The following SOX10 variants were observed in gnomAD, a reference collection of about 807,000 sequenced individuals.
SOX10 encodes the protein transcription factor SOX-10.
SOX10 carries 3 observed loss-of-function variants against 35.0 expected under a neutral mutation model. That is an observed-to-expected ratio of 0.09 (90% CI 0.04 to 0.22). The LOEUF is 0.22. SOX10 is among the 10% of genes least tolerant of loss of function. The pLI is 1.00. For missense variants in SOX10, 436 were observed against 655.1 expected (o/e 0.67, Z 3.65); for synonymous variants, 285 against 291.0 (o/e 0.98, Z 0.21).
Position 37,974,587 on chromosome 22 carries a change from AGGTGATCCACCTGCCTCG to A in SOX10, c.698-407_698-390del, listed in dbSNP as rs1569168128. On this transcript the variant is annotated intron_variant, in intron 3 of 3. Coordinates refer to ENST00000396884, the MANE Select transcript of SOX10 (RefSeq NM_006941.4). This position sits in a 1 kb window ranked among gnomAD's most constrained non-coding sequence, Gnocchi z 5.4. Reference sequence around the variant, plus strand: ...AGGGTTGTCTTGAACTCCTGACCTCAGGTGATCCACCTGCCTCGGCCTCCCAAAGTGCTGGGATTACCA... The same window carrying A: ...AGGGTTGTCTTGAACTCCTGACCTCAGCCTCCCAAAGTGCTGGGATTACCA... Among the ~76,000 whole-genome samples, 7 of 152,136 alleles carry A rather than the reference AGGTGATCCACCTGCCTCG, an allele frequency of 4.6e-5. No homozygotes were observed.
rs748666965 is a variant in SOX10, at chr22:37,973,655, T to G, written c.1241A>C (p.His414Pro). Residue 414 changes from histidine to proline, a missense_variant, in exon 4 of 4, where the codon CAC becomes CCC. Physicochemically the swap from His to Pro is moderately conservative, Grantham distance 77. Transcript: ENST00000396884. Reference protein sequence around the residue: ...DHQPSGPYYGHSGQASGLYSA... With the variant: ...DHQPSGPYYGPSGQASGLYSA... ...GTAGAGGCCAGAGGCCTGGCCCGAG[T>G]GGCCATAATAGGGTCCTGAGGGCTG... 1.3e-4 allele frequency: 204 copies of G among 1,613,426 alleles called. No homozygotes were observed. The highest frequency in any genetic ancestry group is 1.6e-4 in the Non-Finnish European group (186 of 1,179,864).
Position 37,977,913 on chromosome 22 carries a change from T to C in SOX10, c.651A>G (p.Pro217=). ...YKSAHLDHRH[P]GEGSPMSDGN... Reference sequence around the variant, plus strand: ...CATCTGACATGGGGGAGCCCTCTCCTGGGTGCCGGTGGTCCAAGTGGGCGC... The same window carrying C: ...CATCTGACATGGGGGAGCCCTCTCCCGGGTGCCGGTGGTCCAAGTGGGCGC... Residue 217 remains proline (P), a synonymous_variant, in exon 3 of 4, where the codon CCA becomes CCG. Coordinates refer to ENST00000396884, the MANE Select transcript of SOX10 (RefSeq NM_006941.4). 6.2e-7 allele frequency: 1 copy of C among 1,613,024 alleles called. No individual in the cohort carries two copies. The highest frequency in any genetic ancestry group is 1.1e-5 in the South Asian group (1 of 91,056).
intron 2 of SOX10, among the ~76,000 whole-genome samples, chr22:37,979,069 G>C (rs527264408): frequency 2.6e-5 from 4 of 151,786 alleles, no homozygotes; most frequent in African/African-American, 9.7e-5. Context: ...GAGCCATTGT[G>C]CCCAGCCCAA....
rs1932171960 is a variant in SOX10 at position 37,974,670 on chromosome 22, G to A, written c.698-472C>T. On this transcript the variant is annotated intron_variant, in intron 3 of 3. Coordinates refer to ENST00000396884, the MANE Select transcript of SOX10 (RefSeq NM_006941.4). The surrounding 1 kb of genome is among the most constrained non-coding windows in gnomAD (Gnocchi z 5.4). ...GCCCCACAGCATTTGTTTAAATACT[G>A]GTGTCTTAGATTGATCTCTAGTTGT... Among the ~76,000 whole-genome samples, 4 of 152,196 alleles carry A rather than the reference G, an allele frequency of 2.6e-5. No individual in the cohort carries two copies. In the South Asian group the frequency reaches 8.3e-4, roughly 32 times the overall value.
In SOX10 at chr22:37,983,354, C is replaced by T; in HGVS notation, c.428+3G>A. ...CGAGCCCGGGGGGCGGTCGGGTGCT[C>T]ACCTCCAGAGCTTGCCCAGCGTCTT... On this transcript the variant is annotated splice_donor_region_variant and intron_variant, in intron 2 of 3. Transcript: ENST00000396884. This position sits in a 1 kb window ranked among gnomAD's most constrained non-coding sequence, Gnocchi z 9.5. The T allele has an allele frequency of 6.2e-7, 1 of 1,606,414 alleles. No individual in the cohort carries two copies. The highest frequency in any genetic ancestry group is 8.5e-7 in the Non-Finnish European group (1 of 1,177,734).
chr22:37,976,661 C>A (rs1448079284), intron 3 of SOX10, among the ~76,000 whole-genome samples: 2 of 152,174 alleles, frequency 1.3e-5, no homozygotes, highest in African/African-American at 4.8e-5. Context: ...TGTTTCTCAT[C>A]AGTAAAATGA....
chr22:37,982,252 C>T lies in SOX10; in HGVS notation c.428+1105G>A, dbSNP rs5995528. 9.6e-3 allele frequency among the ~76,000 whole-genome samples: 1,457 copies of T among 152,268 alleles called. 32 individuals are homozygous for T. The highest frequency in any genetic ancestry group is 0.033 in the African/African-American group (1,365 of 41,530). On this transcript the variant is annotated intron_variant, in intron 2 of 3. Coordinates refer to ENST00000396884, the MANE Select transcript of SOX10 (RefSeq NM_006941.4). ...GTCCTGGGTTCTGGCCCTGGCTCTGCTACCAACTTCTATGTGACCTTTGTG... is the reference window on the plus strand; with the variant it reads ...GTCCTGGGTTCTGGCCCTGGCTCTGTTACCAACTTCTATGTGACCTTTGTG...
rs111866801 is a variant in SOX10 at position 37,974,836 on chromosome 22, C to T, written c.698-638G>A. Among the ~76,000 whole-genome samples the T allele has an allele frequency of 6.6e-3, 1,011 of 152,314 alleles. 12 individuals carry two copies. The highest frequency in any genetic ancestry group is 0.023 in the African/African-American group (952 of 41,562). On this transcript the variant is annotated intron_variant, in intron 3 of 3. Coordinates refer to ENST00000396884, the MANE Select transcript of SOX10 (RefSeq NM_006941.4). This position sits in a 1 kb window ranked among gnomAD's most constrained non-coding sequence, Gnocchi z 5.4. ...GGCCCAGCCTTTGCGCTCTGCCAGC[C>T]CCGCTTCCACACCCATGCCTACTGT...
Position 37,973,460 on chromosome 22 carries a change from G to A in SOX10, c.*35C>T, listed in dbSNP as rs1932119565. The A allele has an allele frequency of 7.3e-7, 1 of 1,378,448 alleles. No homozygotes were observed. Among genetic ancestry groups the A allele is most frequent in the South Asian group, 1.3e-5 (1 of 77,044 alleles). 85.4% of individuals were successfully genotyped at this position (1,378,448 alleles called of 1,614,324 possible). On this transcript the variant is annotated 3_prime_UTR_variant, in exon 4 of 4. Coordinates refer to ENST00000396884, the MANE Select transcript of SOX10 (RefSeq NM_006941.4). ...AACAGGGCACACAGGCTGGGGGCAG[G>A]GGCTGGGCGGGGGGTGGTGGCGACA... is the stretch of plus-strand genomic sequence containing the variant.
rs974595747 is a variant in SOX10, at chr22:37,980,575, C to G, written c.429-2440G>C. 6.6e-6 allele frequency among the ~76,000 whole-genome samples: 1 copy of G among 152,170 alleles called. No homozygotes were observed. The highest frequency in any genetic ancestry group is 6.5e-5 in the Admixed American group (1 of 15,272). ...GCCGGACAGCTGATTCCACCTCCAC[C>G]CCAACCCCAAGCCCAGCCTGCCCAC... On this transcript the variant is annotated intron_variant, in intron 2 of 3. Coordinates refer to ENST00000396884, the MANE Select transcript of SOX10 (RefSeq NM_006941.4). The surrounding 1 kb of genome is among the most constrained non-coding windows in gnomAD (Gnocchi z 4.1).
rs1932147623 is a variant in SOX10 at position 37,974,082 on chromosome 22, C to T, written c.814G>A (p.Asp272Asn). The T allele has an allele frequency of 1.9e-6, 3 of 1,613,902 alleles. No homozygotes were observed. Among genetic ancestry groups the T allele is most frequent in the Non-Finnish European group, 2.5e-6 (3 of 1,180,016 alleles). The change falls in exon 4 of 4, where the codon GAC becomes AAC. Residue 272 changes from aspartate to asparagine, a missense_variant. Asp to Asn is a conservative substitution (Grantham distance 23). Coordinates refer to ENST00000396884, the MANE Select transcript of SOX10 (RefSeq NM_006941.4). The surrounding 1 kb of genome is among the most constrained non-coding windows in gnomAD (Gnocchi z 5.4). ...SMGEGGKPHIDFGNVDIGEIS... is the reference protein window; with the variant it reads ...SMGEGGKPHINFGNVDIGEIS... ...TCACCAATGTCCACGTTGCCGAAGT[C>T]GATGTGAGGCTTCCCGCCCTCCCCC... is the stretch of plus-strand genomic sequence containing the variant.
At position 37,983,578 on chromosome 22, in the gene SOX10, G is replaced by A. The variant is rs199963686; in HGVS notation, c.207C>T (p.Pro69=). The A allele has an allele frequency of 1.6e-5, 25 of 1,610,212 alleles. No homozygotes were observed. The East Asian group carries it at 4.9e-4, about 32-fold the overall frequency. The change falls in exon 2 of 4, where the codon CCC becomes CCT. Residue 69 remains proline (P), a synonymous_variant. Coordinates refer to ENST00000396884, the MANE Select transcript of SOX10 (RefSeq NM_006941.4). This position sits in a 1 kb window ranked among gnomAD's most constrained non-coding sequence, Gnocchi z 9.5. ...QDGEADDDKF[P]VCIREAVSQV... Reference sequence around the variant, plus strand: ...GGCTGACGGCCTCGCGGATGCACACGGGGAACTTGTCATCGTCCGCCTCGC... The same window carrying A: ...GGCTGACGGCCTCGCGGATGCACACAGGGAACTTGTCATCGTCCGCCTCGC...
rs774476807 is a variant in SOX10 at position 37,974,215 on chromosome 22, CA to C, written c.698-18del. On this transcript the variant is annotated intron_variant, in intron 3 of 3. Transcript: ENST00000396884. The surrounding 1 kb of genome is among the most constrained non-coding windows in gnomAD (Gnocchi z 5.4). ...GGCTCTGGCCTGGGTAGAAGGGAGA[CA>C]GAGAGAGAGAGCGCAAGGGGGAAGC... 1 of 1,582,542 alleles carries C rather than the reference CA, an allele frequency of 6.3e-7. No individual in the cohort carries two copies. Among genetic ancestry groups the C allele is most frequent in the South Asian group, 1.1e-5 (1 of 89,888 alleles).
chr22:37,975,818 A>G (rs886970237), intron 3 of SOX10, among the ~76,000 whole-genome samples: 1 of 152,128 alleles, frequency 6.6e-6, no homozygotes, highest in African/African-American at 2.4e-5. Context: ...TTCCTTGACA[A>G]GAGTCTGGTG....
In SOX10 at chr22:37,972,368, T is replaced by C. The variant is rs968330387; in HGVS notation, c.*1127A>G. On this transcript the variant is annotated 3_prime_UTR_variant, in exon 4 of 4. Transcript: ENST00000396884. ...TGCTTAATGCAGAGTTAATAGGGGC[T>C]AGAGTGGCTAGGAGAGGGGACTACT... 7.4e-5 allele frequency: 40 copies of C among 544,090 alleles called. No homozygotes were observed. The highest frequency in any genetic ancestry group is 1.1e-4 in the Non-Finnish European group (35 of 304,956). 33.7% of individuals were successfully genotyped at this position (544,090 alleles called of 1,614,324 possible).
Position 37,983,475 on chromosome 22 carries a change from C to T in SOX10, c.310G>A (p.Val104Ile), listed in dbSNP as rs752595410. 3 of 1,612,152 alleles carry T rather than the reference C, an allele frequency of 1.9e-6. No individual in the cohort carries two copies. Among genetic ancestry groups the T allele is most frequent in the Admixed American group, 1.7e-5 (1 of 59,868 alleles). ...VNGASKSKPH[V>I]KRPMNAFMVW... ...ATGAAGGCGTTCATGGGCCGCTTGA[C>T]GTGCGGCTTGCTTTTGCTGGCGCCG... Residue 104 changes from valine to isoleucine, a missense_variant, in exon 2 of 4, where the codon GTC (valine) becomes ATC (isoleucine). Physicochemically the swap from Val to Ile is conservative, Grantham distance 29. Transcript: ENST00000396884. This position sits in a 1 kb window ranked among gnomAD's most constrained non-coding sequence, Gnocchi z 9.5.
In SOX10 at chr22:37,972,842, A is replaced by ATT. The variant is rs1388936978; in HGVS notation, c.*652_*653insAA. The ATT allele has an allele frequency of 6.5e-6, 1 of 153,672 alleles. No individual in the cohort carries two copies. Among genetic ancestry groups the ATT allele is most frequent in the East Asian group, 1.9e-4 (1 of 5,178 alleles). The allele number at this position is 153,672 out of a possible 1,614,324, so 9.5% of individuals were successfully genotyped here. On this transcript the variant is annotated 3_prime_UTR_variant, in exon 4 of 4. Coordinates refer to ENST00000396884, the MANE Select transcript of SOX10 (RefSeq NM_006941.4). ...ACTGGGGGCTGTTTCTCAGACAAAG[A>ATT]ATGAGGTTATTGGCACAGAATTGGA...
At position 37,983,743 on chromosome 22, in the gene SOX10, G is replaced by C. The variant is rs530570020; in HGVS notation, c.42C>G (p.Pro14=). ...EQDLSEVELS[P]VGSEEPRCLS... is the part of the protein sequence containing the mutation. ...GGCAGCGGGGCTCCTCCGAGCCCAC[G>C]GGGCTCAGCTCCACCTCCGATAGGT... is the stretch of plus-strand genomic sequence containing the variant. Residue 14 remains proline, a synonymous_variant, in exon 2 of 4, where the codon CCC becomes CCG. Coordinates refer to ENST00000396884, the MANE Select transcript of SOX10 (RefSeq NM_006941.4). This position sits in a 1 kb window ranked among gnomAD's most constrained non-coding sequence, Gnocchi z 9.5. 2 of 1,484,230 alleles carry C rather than the reference G, an allele frequency of 1.3e-6. No homozygotes were observed. The highest frequency in any genetic ancestry group is 1.8e-6 in the Non-Finnish European group (2 of 1,123,280). The allele number at this position is 1,484,230 out of a possible 1,614,324, so 91.9% of individuals were successfully genotyped here.
At chr22:37,982,786 G>A (rs928010197) in intron 2 of SOX10, among the ~76,000 whole-genome samples, 3 of 152,130 alleles carry the variant, frequency 2.0e-5, no homozygotes, top group East Asian at 1.9e-4. Context: ...GGAGGGTGGC[G>A]TCAGAAAGTC....
Sources: allele counts gnomAD v4.1 joint callset (sites outside exome capture counted in the v4.1 genomes callset), GRCh38; gene constraint gnomAD v4.1.1; non-coding constraint Gnocchi (gnomAD v3.1); transcripts MANE v1.5; gene names NCBI Gene and HGNC (gene_info 2026-07-23, HGNC 2026-07-21).